UBN2: variants seen among roughly 807,000 people sequenced by gnomAD.
The protein encoded by UBN2 is ubinuclein-2.
UBN2 carries 35 observed loss-of-function variants against 120.2 expected under a neutral mutation model. The ratio of observed to expected loss-of-function variants is 0.29; its 90% CI spans 0.22 to 0.39. The LOEUF (loss-of-function observed/expected upper bound fraction) is 0.39, where lower values mean the gene tolerates loss of function less well. Among genes scored for constraint, UBN2 ranks in the 10% least tolerant of loss-of-function variants. UBN2 has a pLI of 1.00. For synonymous variants in UBN2, 661 were observed against 648.7 expected (o/e 1.02, Z -0.29); for missense variants, 1,693 against 1,663.2 (o/e 1.02, Z -0.31).
At chr7:139,240,454 A>ATTTTT (rs10682001) in intron 2 of UBN2, among the ~76,000 whole-genome samples, 185 of 123,100 alleles carry the variant, frequency 1.5e-3, no homozygotes, top group Middle Eastern at 3.9e-3. Context: ...ATATATATAT[A>ATTTTT]TTTTTTTTTT....
chr7:139,273,612 T>G (rs550855561), intron 10 of UBN2, among the ~76,000 whole-genome samples: 10 of 152,320 alleles, frequency 6.6e-5, no homozygotes, highest in Non-Finnish European at 1.3e-4. Flanking sequence ...CTGTAATACT[T>G]TTTACAAACT....
chr7:139,318,298 TG>T, the UBN2 span, among the ~76,000 whole-genome samples: 287 of 152,312 alleles, frequency 1.9e-3, 1 homozygote, highest in Non-Finnish European at 3.0e-3. Flanking sequence ...GCAAGTGGGC[TG>T]GGAGCACCAG....
chr7:139,314,446 G>A, the UBN2 span, among the ~76,000 whole-genome samples: 4 of 151,620 alleles, frequency 2.6e-5, no homozygotes, highest in African/African-American at 9.7e-5. Context: ...GCGACAAAGA[G>A]AAACTCCATC....
At chr7:139,296,817 G>A (rs1798120864) in intron 17 of UBN2, among the ~76,000 whole-genome samples, 1 of 152,154 alleles carries the variant, frequency 6.6e-6, no homozygotes. Flanking sequence ...TTGAGCCCAG[G>A]AATTTGAGGC....
chr7:139,311,857 C>T (rs1343690759), downstream of UBN2, among the ~76,000 whole-genome samples: 1 of 152,178 alleles, frequency 6.6e-6, no homozygotes, highest in Non-Finnish European at 1.5e-5. Flanking sequence ...AGTGGTCTTA[C>T]AGATATTTGG....
At chr7:139,321,105 C>T in the UBN2 span, among the ~76,000 whole-genome samples, 1 of 152,092 alleles carries the variant, frequency 6.6e-6, no homozygotes, top group Non-Finnish European at 1.5e-5. Context: ...ACCAGAGGCC[C>T]CAAAGGCTGA....
chr7:139,241,841 T>C (rs1278548742), intron 2 of UBN2, among the ~76,000 whole-genome samples: 4 of 152,016 alleles, frequency 2.6e-5, no homozygotes, highest in African/African-American at 9.7e-5. Flanking sequence ...CTACTAAAAA[T>C]ACAAAAATTA....
intron 1 of UBN2, 28 bp from the exon 2 acceptor site, chr7:139,236,977 C>G (rs747073951): frequency 2.0e-6 from 3 of 1,486,704 alleles, no homozygotes; most frequent in Admixed American, 3.6e-5. Flanking sequence ...GGATACTTCT[C>G]TTTCTTTTCC....
chr7:139,279,171 A>ACTGTTG, intron 12 of UBN2, 147 bp from the exon 13 acceptor site: 1 of 638,776 alleles, frequency 1.6e-6, no homozygotes, highest in East Asian at 2.9e-5. Flanking sequence ...CATACTTCGT[A>ACTGTTG]TAAACTGAGC....
At chr7:139,254,406 C>T (rs1313948499) in intron 3 of UBN2, among the ~76,000 whole-genome samples, 3 of 152,106 alleles carry the variant, frequency 2.0e-5, no homozygotes, top group East Asian at 1.9e-4. Context: ...AAATGGCCTT[C>T]GTCTTACAAA....
rs1156313964 is a variant in UBN2, at chr7:139,272,451, C to G, written c.1715+11C>G. The G allele has an allele frequency of 1.9e-6, 3 of 1,595,662 alleles. No homozygotes were observed. The highest frequency in any genetic ancestry group is 1.7e-6 in the Non-Finnish European group (2 of 1,168,852). ...AGCTAAGTGTGCCAAGTATGTATCT[C>G]TTCTATTTGGACTGGCTTTTGCATT... is the stretch of plus-strand genomic sequence containing the variant. On this transcript the variant is annotated intron_variant, in intron 9 of 17. Transcript: ENST00000473989.
At position 139,231,618 on chromosome 7, in the gene UBN2, AGCCGGCCCGGGCGGAGCC is replaced by A. The variant is rs1282001608; in HGVS notation, c.143_160del (p.Arg48_Ala53del). The A allele has an allele frequency of 2.9e-5, 39 of 1,332,530 alleles. No homozygotes were observed. The highest frequency in any genetic ancestry group is 1.6e-4 in the East Asian group (5 of 31,346). The allele number at this position is 1,332,530 out of a possible 1,614,324, so 82.5% of individuals were successfully genotyped here. On this transcript the variant is annotated inframe_deletion, in exon 1 of 18. Transcript: ENST00000473989. ...CGGCTGGAGCCGCAGCCGTACCGCG[AGCCGGCCCGGGCGGAGCC>A]GCCGGCCCCGCGGGAGCCTGCCCCC...
chr7:139,237,163 G>A, intron 2 of UBN2, 66 bp downstream of exon 2: 1 of 1,155,166 alleles, frequency 8.7e-7, no homozygotes, highest in Non-Finnish European at 1.3e-6. Flanking sequence ...TCTGTGGCTG[G>A]TTGGGAGGGC....
At position 139,231,414 on chromosome 7, in the gene UBN2, C is replaced by T; in HGVS notation, c.-71C>T. ...AAGCGACAGAGAGCAAGAGGAAGGG[C>T]GGGCAGGCACGCAGCGCGCCGTAGA... On this transcript the variant is annotated 5_prime_UTR_variant, in exon 1 of 18. Transcript: ENST00000473989. The T allele has an allele frequency of 1.7e-6, 2 of 1,184,670 alleles. No individual in the cohort carries two copies. The highest frequency in any genetic ancestry group is 3.2e-5 in the East Asian group (1 of 30,982). The allele number at this position is 1,184,670 out of a possible 1,614,324, so 73.4% of individuals were successfully genotyped here.
In UBN2 at chr7:139,252,055, G is replaced by A; in HGVS notation, c.661G>A (p.Ala221Thr). ...ETDPFIDNSE[A>T]YDELVPASLT... ...AGATCCATTTATTGATAACTCAGAG[G>A]CTGTGAGTAATGTATCTTTAATATA... Residue 221 changes from alanine to threonine, a missense_variant and splice_region_variant, in exon 3 of 18, where the codon GCT becomes ACT. Around this residue, in one of 5 missense-constraint regions of UBN2, gnomAD observed 663 missense variants for 591.2 expected, o/e 1.12. Transcript: ENST00000473989. The A allele has an allele frequency of 6.2e-7, 1 of 1,609,856 alleles. No individual in the cohort carries two copies.
chr7:139,266,647 G>A (rs1797107175), intron 7 of UBN2, among the ~76,000 whole-genome samples: 2 of 152,190 alleles, frequency 1.3e-5, no homozygotes, highest in Admixed American at 6.6e-5. Flanking sequence ...TGACGACTAT[G>A]CAGGTTGGAT....
Position 139,273,424 on chromosome 7 carries a change from A to G in UBN2, c.1829+14A>G, listed in dbSNP as rs780637817. On this transcript the variant is annotated intron_variant, in intron 10 of 17. Coordinates refer to ENST00000473989, the MANE Select transcript of UBN2 (RefSeq NM_173569.4). ...TGACACTATCAGGTAAGATTTAATT[A>G]GTTTTCACTTTTAATATATAATGCA... 2 of 1,514,348 alleles carry G rather than the reference A, an allele frequency of 1.3e-6. No homozygotes were observed. The highest frequency in any genetic ancestry group is 1.8e-6 in the Non-Finnish European group (2 of 1,118,168). 93.8% of individuals were successfully genotyped at this position (1,514,348 alleles called of 1,614,324 possible).
At chr7:139,282,390 C>T (rs909932206) in intron 14 of UBN2, among the ~76,000 whole-genome samples, 1 of 152,218 alleles carries the variant, frequency 6.6e-6, no homozygotes, top group East Asian at 1.9e-4. Flanking sequence ...GAGCCCTGCT[C>T]ACAGCGGACA....
At position 139,305,366 on chromosome 7, in the gene UBN2, T is replaced by C. The variant is rs2131094406; in HGVS notation, c.*7530T>C. 1.3e-5 allele frequency: 2 copies of C among 152,282 alleles called. No individual in the cohort carries two copies. The highest frequency in any genetic ancestry group is 4.1e-4 in the South Asian group (2 of 4,822). The allele number at this position is 152,282 out of a possible 1,614,324, so 9.4% of individuals were successfully genotyped here. The stretch of plus-strand genomic sequence containing the variant: ...TCTGGCAACCTATCCTGTGTCCCCA[T>C]AGAACTGAGAAGTAAAGCCCTGTGC... On this transcript the variant is annotated 3_prime_UTR_variant, in exon 18 of 18. Transcript: ENST00000473989.
Sources: allele counts gnomAD v4.1 joint callset (sites outside exome capture counted in the v4.1 genomes callset), GRCh38; gene constraint gnomAD v4.1.1; regional missense constraint gnomAD v4.1.1; transcripts MANE v1.5; gene names NCBI Gene and HGNC (gene_info 2026-07-23, HGNC 2026-07-21).